DEAF1: variants seen among roughly 807,000 people sequenced by gnomAD.
DEAF1 encodes DEAF1 transcription factor.
Under a neutral mutation model 58.9 loss-of-function variants are expected in DEAF1, and 53 were observed. That is an observed-to-expected ratio of 0.90 (90% confidence interval 0.72 to 1.13). DEAF1 has a LOEUF of 1.13. Among genes scored for constraint, DEAF1 ranks in the 50% most tolerant of loss-of-function variants. The probability of loss-of-function intolerance (pLI) is 0.00; values close to 1 mark genes in which losing one functional copy is unlikely to be tolerated. For synonymous variants in DEAF1, 385 were observed against 340.4 expected, an observed-to-expected ratio of 1.13 and a Z score of -1.44; for missense variants, 685 against 791.4, an observed-to-expected ratio of 0.87 and a Z score of 1.61.
chr11:694,550 G>A (rs1428476863), intron 1 of DEAF1: 2 of 398,310 alleles, frequency 5.0e-6, no homozygotes, highest in Non-Finnish European at 8.7e-6. Flanking sequence ...AGTCACGTGG[G>A]GCAGGTGTGC....
chr11:681,442 G>A (rs867711095), intron 6 of DEAF1, among the ~76,000 whole-genome samples: 3 of 140,382 alleles, frequency 2.1e-5, no homozygotes, highest in East Asian at 2.1e-4. Flanking sequence ...ACAGAGTCTC[G>A]CTCTGTTGCC....
At position 688,410 on chromosome 11, in the gene DEAF1, C is replaced by T. The variant is rs369913665; in HGVS notation, c.438G>A (p.Ala146=). 1.3e-5 allele frequency: 21 copies of T among 1,613,848 alleles called. No individual in the cohort carries two copies. The highest frequency in any genetic ancestry group is 1.6e-5 in the Non-Finnish European group (19 of 1,180,048). ...QIGDSLNTEK[A]TLIVVHTDGS... ...CATCTGTGTGGACGACAATCAGTGT[C>T]GCTTTTTCGGTGTTCAGGCTGTCCC... Residue 146 remains alanine (A), a synonymous_variant, in exon 3 of 12, where the codon GCG becomes GCA. Transcript: ENST00000382409. This position sits in a 1 kb window ranked among gnomAD's most constrained non-coding sequence, Gnocchi z 4.3.
chr11:697,362 C>T (rs951453833), upstream of DEAF1: 2 of 152,250 alleles, frequency 1.3e-5, no homozygotes, highest in African/African-American at 4.8e-5. Flanking sequence ...CTGCCTGACA[C>T]AGCTATTCGT....
upstream of DEAF1, chr11:697,914 C>T (rs1484658015): frequency 6.6e-6 from 1 of 152,246 alleles, no homozygotes; most frequent in Non-Finnish European, 1.5e-5. Flanking sequence ...AACTCTGGCA[C>T]AGAAGGCCCC....
At chr11:702,958 C>G in intron 1 of DEAF1, 1 of 1,608,586 alleles carries the variant, frequency 6.2e-7, no homozygotes, top group Non-Finnish European at 8.5e-7. Context: ...CCAGGGGCAA[C>G]CTGACAGAGG....
At chr11:678,372 G>T (rs967997321) in intron 9 of DEAF1, 9 of 370,042 alleles carry the variant, frequency 2.4e-5, no homozygotes, top group African/African-American at 6.3e-5. Flanking sequence ...TGCCACTGGG[G>T]AGTGTCTACC....
chr11:663,427 G>A (rs1353984073), intron 10 of DEAF1, among the ~76,000 whole-genome samples: 2 of 152,182 alleles, frequency 1.3e-5, no homozygotes, highest in African/African-American at 4.8e-5. Context: ...CAGCCTGGGT[G>A]ACAGAGTGAG....
chr11:647,214 G>A (rs935056928), intron 11 of DEAF1, among the ~76,000 whole-genome samples: 1 of 152,102 alleles, frequency 6.6e-6, no homozygotes, highest in African/African-American at 2.4e-5. Context: ...TCAGCACTTT[G>A]GGAGGCCAAG....
intron 1 of DEAF1, among the ~76,000 whole-genome samples, chr11:702,306 G>A (rs769738861): frequency 1.3e-5 from 2 of 152,228 alleles, no homozygotes; most frequent in Non-Finnish European, 2.9e-5. Flanking sequence ...GGGAGGGTGC[G>A]AGCACCGCTG....
intron 2 of DEAF1, among the ~76,000 whole-genome samples, chr11:690,276 G>C (rs1211891762): frequency 3.1e-4 from 2 of 6,542 alleles, no homozygotes; most frequent in African/African-American, 9.9e-4. Flanking sequence ...CAGGGCAGGG[G>C]AGGGCAGGGG....
At chr11:645,292 G>A (rs994386692) in intron 11 of DEAF1, among the ~76,000 whole-genome samples, 1 of 151,902 alleles carries the variant, frequency 6.6e-6, no homozygotes, top group South Asian at 2.1e-4. Context: ...TATTACATAT[G>A]TAAATTACGA....
intron 10 of DEAF1, among the ~76,000 whole-genome samples, chr11:656,890 A>T (rs543761444): frequency 6.6e-6 from 1 of 151,898 alleles, no homozygotes; most frequent in African/African-American, 2.4e-5. Flanking sequence ...AAACTGAAAA[A>T]TAACGTTCTA....
At chr11:700,255 A>T (rs759901740) in intron 1 of DEAF1, 1 of 1,602,486 alleles carries the variant, frequency 6.2e-7, no homozygotes, top group Middle Eastern at 1.7e-4. Flanking sequence ...GGACGGGCAC[A>T]GTGGCTCACG....
At chr11:691,686 A>C in intron 1 of DEAF1, 88 bp from the exon 2 acceptor site, 1 of 1,125,734 alleles carries the variant, frequency 8.9e-7, no homozygotes, top group Non-Finnish European at 1.3e-6. Context: ...AAACAAAGTG[A>C]CTCCCCCTCA....
chr11:695,870 T>A (rs1421184131), upstream of DEAF1: 1 of 1,225,500 alleles, frequency 8.2e-7, no homozygotes, highest in East Asian at 3.2e-5. Context: ...GGGTGGGGGC[T>A]TCCGGGCTTG....
At chr11:692,460 TC>T (rs1443759815) in intron 1 of DEAF1, 1 of 153,786 alleles carries the variant, frequency 6.5e-6, no homozygotes, top group Non-Finnish European at 1.4e-5. Flanking sequence ...ATGTCCTGTG[TC>T]CAGGGCAATC....
At chr11:645,569 C>T (rs28535720) in intron 11 of DEAF1, among the ~76,000 whole-genome samples, 76,371 of 152,004 alleles carry the variant, frequency 0.5, 19,463 homozygotes, top group East Asian at 0.73. Context: ...CTGCCCGCCT[C>T]GGCCTCCCAA....
At chr11:687,114 T>G in intron 4 of DEAF1, 117 bp from the exon 5 acceptor site, 1 of 1,464,560 alleles carries the variant, frequency 6.8e-7, no homozygotes, top group East Asian at 2.4e-5. Flanking sequence ...GCGGCTCATG[T>G]GATCTCACCC....
intron 11 of DEAF1, chr11:651,394 G>A (rs1425280653): frequency 3.3e-6 from 1 of 303,782 alleles, no homozygotes; most frequent in Non-Finnish European, 6.2e-6. Context: ...GGTCAACATA[G>A]TAAGACTCCA....
Sources: gnomAD v4.1 joint callset for allele counts (sites outside exome capture counted in the v4.1 genomes callset) on GRCh38, gnomAD v4.1.1 for gene constraint, Gnocchi (gnomAD v3.1) non-coding constraint, MANE v1.5 for transcripts, NCBI Gene and HGNC (gene_info 2026-07-23, HGNC 2026-07-21) for gene names.